GNG4: variants seen among roughly 807,000 people sequenced by gnomAD.
GNG4 encodes G protein subunit gamma 4, also known as guanine nucleotide-binding protein G(I)/G(S)/G(O) subunit gamma-4.
In GNG4, 4 loss-of-function variants were observed where a neutral mutation model predicts 5.8. The observed-to-expected ratio is 0.69, with a 90% CI of 0.34 to 1.57. The LOEUF is 1.57. GNG4 is among the 40% of genes most tolerant of loss of function. GNG4 has a pLI of 0.06. For synonymous variants in GNG4, 29 were observed against 32.9 expected, an observed-to-expected ratio of 0.88 and a Z score of 0.41; for missense variants, 96 against 95.1, an observed-to-expected ratio of 1.01 and a Z score of -0.04.
chr1:235,573,560 G>A (rs369247785), intron 3 of GNG4, among the ~76,000 whole-genome samples: 3 of 151,914 alleles, frequency 2.0e-5, no homozygotes, highest in Admixed American at 6.6e-5. Flanking sequence ...GGCGGATCAC[G>A]AAGTCAGGAG....
chr1:235,578,032 A>G (rs1035959571), intron 3 of GNG4, among the ~76,000 whole-genome samples: 1 of 152,082 alleles, frequency 6.6e-6, no homozygotes, highest in African/African-American at 2.4e-5. Flanking sequence ...GGCTGATACC[A>G]AGATGCACCT....
At chr1:235,619,173 A>ATG in intron 1 of GNG4, among the ~76,000 whole-genome samples, 1 of 93,908 alleles carries the variant, frequency 1.1e-5, no homozygotes, top group African/African-American at 7.6e-5. Flanking sequence ...ATATATATAT[A>ATG]TATACACACA....
chr1:235,574,857 C>T lies in GNG4; in HGVS notation c.99+8883G>A, dbSNP rs537612154. 9.9e-5 allele frequency among the ~76,000 whole-genome samples: 15 copies of T among 152,200 alleles called. No individual in the cohort carries two copies. In the East Asian group the frequency reaches 2.3e-3, roughly 23 times the overall value. On this transcript the variant is annotated intron_variant, in intron 3 of 3. Coordinates refer to ENST00000391854, the MANE Select transcript of GNG4 (RefSeq NM_001098722.2). ...TTTTCTTTTTTGAGATGGAGTCTCC[C>T]GCTGTTGCCCAGGTTGGAATGCAGT...
chr1:235,599,888 C>T (rs1688217435), intron 1 of GNG4, among the ~76,000 whole-genome samples: 1 of 152,128 alleles, frequency 6.6e-6, no homozygotes, highest in African/African-American at 2.4e-5. Flanking sequence ...AGAAAAGACA[C>T]TATCAATTTC....
chr1:235,581,522 A>G (rs1213468801), intron 3 of GNG4, among the ~76,000 whole-genome samples: 2 of 144,688 alleles, frequency 1.4e-5, no homozygotes, highest in South Asian at 2.2e-4. Flanking sequence ...CTCAAAAAAG[A>G]AAAAAAAAAA....
intron 1 of GNG4, among the ~76,000 whole-genome samples, chr1:235,632,171 A>G (rs1432617277): frequency 6.6e-6 from 1 of 152,064 alleles, no homozygotes; most frequent in Non-Finnish European, 1.5e-5. Flanking sequence ...CTGCAGCCTT[A>G]AACTCCTCCT....
chr1:235,600,755 C>G (rs1341662222), intron 1 of GNG4, among the ~76,000 whole-genome samples: 2 of 152,148 alleles, frequency 1.3e-5, no homozygotes, highest in South Asian at 4.1e-4. Flanking sequence ...TAAATTTTAC[C>G]ATGATGTTTT....
At chr1:235,563,046 T>A (rs1469160962) in intron 3 of GNG4, among the ~76,000 whole-genome samples, 1 of 152,214 alleles carries the variant, frequency 6.6e-6, no homozygotes, top group Non-Finnish European at 1.5e-5. Context: ...GTTTCTGCTG[T>A]CTTATTTTGT....
chr1:235,581,479 A>C (rs966529245), intron 3 of GNG4, among the ~76,000 whole-genome samples: 3 of 151,484 alleles, frequency 2.0e-5, no homozygotes, highest in Non-Finnish European at 4.4e-5. Flanking sequence ...CAGTGAGCCG[A>C]GATCACACCT....
chr1:235,556,326 G>A (rs375756116), intron 3 of GNG4, among the ~76,000 whole-genome samples: 2 of 151,726 alleles, frequency 1.3e-5, no homozygotes, highest in East Asian at 2.0e-4. Flanking sequence ...TTGGGGGGCC[G>A]AGGCAGGCAG....
rs1300859927 is a variant in GNG4 at position 235,640,100 on chromosome 1, G to C, written c.-123+9562C>G. ...TGGTAGCTGGTTTCCCCACAGAGAA[G>C]GCTGTCTCTCACCCCAGGCAGAAGA... On this transcript the variant is annotated intron_variant, in intron 1 of 3. Transcript: ENST00000391854. Among the ~76,000 whole-genome samples the C allele has an allele frequency of 2.0e-5, 3 of 152,114 alleles. No homozygotes were observed. In the East Asian group the frequency reaches 5.8e-4, roughly 29 times the overall value.
intron 3 of GNG4, among the ~76,000 whole-genome samples, chr1:235,558,199 G>A (rs183841042): frequency 3.3e-5 from 5 of 152,240 alleles, no homozygotes; most frequent in Admixed American, 6.5e-5. Context: ...GGTTGGTTCC[G>A]TGAAACATTA....
chr1:235,647,630 C>T (rs1300192030), intron 1 of GNG4, among the ~76,000 whole-genome samples: 1 of 152,082 alleles, frequency 6.6e-6, no homozygotes, highest in Non-Finnish European at 1.5e-5. Context: ...TCTTGCTTCC[C>T]CAGGGGTCAG....
intron 3 of GNG4, among the ~76,000 whole-genome samples, chr1:235,582,440 G>A (rs1208337156): frequency 6.6e-6 from 1 of 152,214 alleles, no homozygotes; most frequent in African/African-American, 2.4e-5. Flanking sequence ...ACTCTGAGAA[G>A]TCTTCCCTGA....
intron 1 of GNG4, among the ~76,000 whole-genome samples, chr1:235,616,919 T>G (rs1368080615): frequency 3.7e-5 from 5 of 136,166 alleles, no homozygotes; most frequent in African/African-American, 1.7e-4. Flanking sequence ...TTTTTTTTTT[T>G]TTTTTTTCAG....
chr1:235,551,918 C>A lies in GNG4; in HGVS notation c.*191G>T, dbSNP rs1200689243. ...TTTTCTTTGCCAATAATGAAAATAA[C>A]ATGAAAATGAAAAGGAAAAAAATGA... On this transcript the variant is annotated 3_prime_UTR_variant, in exon 4 of 4. Coordinates refer to ENST00000391854, the MANE Select transcript of GNG4 (RefSeq NM_001098722.2). 7.9e-6 allele frequency: 4 copies of A among 506,720 alleles called. No individual in the cohort carries two copies. The highest frequency in any genetic ancestry group is 2.8e-5 in the South Asian group (1 of 36,116). 31.4% of individuals were successfully genotyped at this position (506,720 alleles called of 1,614,324 possible). A position where few individuals can be genotyped will look rare whatever the true frequency, so the allele number is the denominator to read the frequency against.
At chr1:235,623,313 G>A (rs1010715912) in intron 1 of GNG4, among the ~76,000 whole-genome samples, 8 of 152,152 alleles carry the variant, frequency 5.3e-5, no homozygotes, top group African/African-American at 1.9e-4. Context: ...GCCATGTGGG[G>A]TTTCCATCAG....
In GNG4 at chr1:235,630,903, C is replaced by CTT. The variant is rs1257976818; in HGVS notation, c.-123+18757_-123+18758dup. 9.5e-3 allele frequency among the ~76,000 whole-genome samples: 1,386 copies of CTT among 145,532 alleles called. 19 individuals are homozygous for CTT. Among genetic ancestry groups the CTT allele is most frequent in the African/African-American group, 0.031 (1,223 of 39,910 alleles). ...AGCTAATTTCTAATGAGAGACTCTC[C>CTT]TTTTTTTTTTTTTGAGACAGAGTCT... On this transcript the variant is annotated intron_variant, in intron 1 of 3. Transcript: ENST00000391854.
At chr1:235,554,769 C>T (rs765490355) in intron 3 of GNG4, among the ~76,000 whole-genome samples, 3 of 144,822 alleles carry the variant, frequency 2.1e-5, no homozygotes, top group Non-Finnish European at 3.0e-5. Context: ...CGCTTGAACT[C>T]GGGAGTTGGA....
Sources: gnomAD v4.1 joint callset for allele counts (sites outside exome capture counted in the v4.1 genomes callset) on GRCh38, gnomAD v4.1.1 for gene constraint, MANE v1.5 for transcripts, NCBI Gene and HGNC (gene_info 2026-07-23, HGNC 2026-07-21) for gene names.